Variants in MDH2 observed in about 807,000 individuals in gnomAD.
MDH2 encodes malate dehydrogenase, mitochondrial.
Under a neutral mutation model 33.6 loss-of-function variants are expected in MDH2, and 25 were observed. The observed-to-expected ratio is 0.74, with a 90% CI of 0.54 to 1.04. The LOEUF (loss-of-function observed/expected upper bound fraction) is 1.04, where lower values mean the gene tolerates loss of function less well. MDH2 is among the 50% of genes least tolerant of loss of function. The pLI is 0.00. For synonymous variants in MDH2, 193 were observed against 188.7 expected, an observed-to-expected ratio of 1.02 and a Z score of -0.19; for missense variants, 432 against 445.0, an observed-to-expected ratio of 0.97 and a Z score of 0.26.
In MDH2 at chr7:76,054,617, G is replaced by A; in HGVS notation, c.67-213G>A. On this transcript the variant is annotated intron_variant, in intron 1 of 8. Coordinates refer to ENST00000315758, the MANE Select transcript of MDH2 (RefSeq NM_005918.4). ...GTTTTGAAGTACCCTGAGTATCACA[G>A]ACTCTACAGACATAAATTCTCCCCA... 3 of 595,934 alleles carry A rather than the reference G, an allele frequency of 5.0e-6. No individual in the cohort carries two copies. In the South Asian group the frequency reaches 6.0e-5, roughly 12 times the overall value. The allele number at this position is 595,934 out of a possible 1,614,324, so 36.9% of individuals were successfully genotyped here.
In MDH2 at chr7:76,066,758, T is replaced by C. The variant is rs1029709278; in HGVS notation, c.*348T>C. Reference sequence around the variant, plus strand: ...CAAGAAAGTCTAAATTGTTAATTTATGGAATTGGACACAGTATTCAGTTTA... The same window carrying C: ...CAAGAAAGTCTAAATTGTTAATTTACGGAATTGGACACAGTATTCAGTTTA... On this transcript the variant is annotated 3_prime_UTR_variant, in exon 9 of 9. Coordinates refer to ENST00000315758, the MANE Select transcript of MDH2 (RefSeq NM_005918.4). 3 of 174,972 alleles carry C rather than the reference T, an allele frequency of 1.7e-5. No homozygotes were observed. The highest frequency in any genetic ancestry group is 1.7e-4 in the East Asian group (1 of 6,040). The allele number at this position is 174,972 out of a possible 1,614,324, so 10.8% of individuals were successfully genotyped here. A position where few individuals can be genotyped will look rare whatever the true frequency, so the allele number is the denominator to read the frequency against.
In MDH2 at chr7:76,054,911, G is replaced by A. The variant is rs782813525; in HGVS notation, c.148G>A (p.Val50Met). 4 of 1,614,106 alleles carry A rather than the reference G, an allele frequency of 2.5e-6. No individual in the cohort carries two copies. Among genetic ancestry groups the A allele is most frequent in the Non-Finnish European group, 3.4e-6 (4 of 1,180,024 alleles). The change falls in exon 2 of 9, where the codon GTG becomes ATG. Residue 50 changes from valine (V) to methionine (M), a missense_variant. Coordinates refer to ENST00000315758, the MANE Select transcript of MDH2 (RefSeq NM_005918.4). ...ACTTCTCCTGAAGAACAGCCCCTTG[G>A]TGAGCCGCCTGACCCTCTATGATAT... ...LSLLLKNSPL[V>M]SRLTLYDIAH...
At chr7:76,065,183 C>T (rs782426574) in intron 8 of MDH2, 33 of 477,364 alleles carry the variant, frequency 6.9e-5, no homozygotes, top group Middle Eastern at 1.1e-3. Context: ...AGTTTGACAG[C>T]GGGTGCCCAG....
Position 76,054,906 on chromosome 7 carries a change from C to T in MDH2, c.143C>T (p.Pro48Leu), listed in dbSNP as rs1554585973. 2 of 1,614,128 alleles carry T rather than the reference C, an allele frequency of 1.2e-6. No homozygotes were observed. Among genetic ancestry groups the T allele is most frequent in the South Asian group, 2.2e-5 (2 of 91,076 alleles). ...CTTTCACTTCTCCTGAAGAACAGCC[C>T]CTTGGTGAGCCGCCTGACCCTCTAT... The part of the protein sequence containing the change: ...QPLSLLLKNS[P>L]LVSRLTLYDI... Residue 48 changes from proline (P) to leucine (L), a missense_variant, in exon 2 of 9, where the codon CCC becomes CTC. Transcript: ENST00000315758.
At chr7:76,051,699 T>C (rs1797631936) in intron 1 of MDH2, among the ~76,000 whole-genome samples, 1 of 152,204 alleles carries the variant, frequency 6.6e-6, no homozygotes, top group African/African-American at 2.4e-5. Context: ...TGTACTAATA[T>C]ATACATTACA....
chr7:76,063,000 A>C (rs1554587231), intron 5 of MDH2, among the ~76,000 whole-genome samples: 1 of 152,210 alleles, frequency 6.6e-6, no homozygotes, highest in Non-Finnish European at 1.5e-5. Flanking sequence ...GAGCCATAGG[A>C]GTCAGTTTGT....
intron 1 of MDH2, among the ~76,000 whole-genome samples, chr7:76,051,685 T>C (rs1282219136): frequency 1.3e-5 from 2 of 152,220 alleles, no homozygotes; most frequent in African/African-American, 4.8e-5. Flanking sequence ...TACTTATAGG[T>C]ATATGTACTA....
intron 1 of MDH2, among the ~76,000 whole-genome samples, chr7:76,049,314 T>C (rs1554584942): frequency 6.6e-6 from 1 of 152,128 alleles, no homozygotes; most frequent in African/African-American, 2.4e-5. Flanking sequence ...ATGTACCAAA[T>C]GCTTTTGCGC....
In MDH2 at chr7:76,064,100, T is replaced by A. The variant is rs543115477; in HGVS notation, c.634-239T>A. Among the ~76,000 whole-genome samples the A allele has an allele frequency of 1.8e-4, 27 of 152,074 alleles. No individual in the cohort carries two copies. In the East Asian group the frequency reaches 4.2e-3, roughly 24 times the overall value. ...GATTTCACTTCGTCTTTTTTTTTTT[T>A]ATCTTTTTATTATTATTTTTTTGCT... On this transcript the variant is annotated intron_variant, in intron 6 of 8. Transcript: ENST00000315758.
chr7:76,048,694 G>T (rs1451109278), intron 1 of MDH2: 2 of 1,242,790 alleles, frequency 1.6e-6, no homozygotes, highest in South Asian at 3.7e-5. Flanking sequence ...TAGAGAACTG[G>T]GCCAGGGTTA....
At chr7:76,065,275 C>T in intron 8 of MDH2, 1 of 241,454 alleles carries the variant, frequency 4.1e-6, no homozygotes, top group Non-Finnish European at 8.0e-6. Context: ...GAACACCTCC[C>T]TGTCGCTCCT....
chr7:76,055,775 A>T (rs1014171583), intron 2 of MDH2, among the ~76,000 whole-genome samples: 14 of 151,392 alleles, frequency 9.2e-5, no homozygotes, highest in Non-Finnish European at 1.9e-4. Context: ...ATGCATATTT[A>T]TATATGCTGC....
chr7:76,058,184 G>C, intron 4 of MDH2, 106 bp downstream of exon 4: 2 of 1,040,010 alleles, frequency 1.9e-6, no homozygotes, highest in South Asian at 2.9e-5. Flanking sequence ...GTGCTGGGGG[G>C]ATGGGGGGAT....
intron 6 of MDH2, among the ~76,000 whole-genome samples, chr7:76,063,864 G>C (rs1028563016): frequency 6.6e-6 from 1 of 152,194 alleles, no homozygotes; most frequent in South Asian, 2.1e-4. Flanking sequence ...AGCGGGCGAG[G>C]TGCTTTTTTC....
In MDH2 at chr7:76,067,202, T is replaced by TTAG. The variant is rs372591277; in HGVS notation, c.*795_*797dup. The TTAG allele has an allele frequency of 2.0e-5, 3 of 152,298 alleles. No homozygotes were observed. Among genetic ancestry groups the TTAG allele is most frequent in the Non-Finnish European group, 2.9e-5 (2 of 68,032 alleles). 9.4% of individuals were successfully genotyped at this position (152,298 alleles called of 1,614,324 possible). A position where few individuals can be genotyped will look rare whatever the true frequency, so the allele number is the denominator to read the frequency against. ...CGGAATTAAAGAGATTTGACTCCCT[T>TTAG]TAGTATTGGGGGCAGTCCGTTCCCC... On this transcript the variant is annotated 3_prime_UTR_variant, in exon 9 of 9. Transcript: ENST00000315758.
chr7:76,065,429 C>T (rs1465734539), intron 8 of MDH2, among the ~76,000 whole-genome samples: 1 of 152,196 alleles, frequency 6.6e-6, no homozygotes, highest in East Asian at 1.9e-4. Flanking sequence ...CATTTCTCAC[C>T]TGTGGGCAGA....
chr7:76,050,604 G>A (rs1208878691), intron 1 of MDH2, among the ~76,000 whole-genome samples: 2 of 152,148 alleles, frequency 1.3e-5, no homozygotes, highest in Non-Finnish European at 2.9e-5. Context: ...GCCAGTTGAG[G>A]GTTTTCAGCT....
chr7:76,060,519 G>T (rs190775593), intron 5 of MDH2, 21 bp downstream of exon 5: 12 of 1,612,698 alleles, frequency 7.4e-6, no homozygotes, highest in Middle Eastern at 1.7e-4. Flanking sequence ...CGTGGGTGTT[G>T]CTCAGGTGAC....
At position 76,062,022 on chromosome 7, in the gene MDH2, T is replaced by TA. The variant is rs1179762950; in HGVS notation, c.556-1492dup. 5.9e-5 allele frequency among the ~76,000 whole-genome samples: 9 copies of TA among 152,332 alleles called. No individual in the cohort carries two copies. In the South Asian group the frequency reaches 1.0e-3, roughly 18 times the overall value. ...TATCTCAGCCTTGAAGCTTCACTGT[T>TA]AGAGTTGGGGACAGGGTACCTTGGC... On this transcript the variant is annotated intron_variant, in intron 5 of 8. Transcript: ENST00000315758.
Sources: gnomAD v4.1 joint callset for allele counts (sites outside exome capture counted in the v4.1 genomes callset) on GRCh38, gnomAD v4.1.1 for gene constraint, MANE v1.5 for transcripts, NCBI Gene and HGNC (gene_info 2026-07-23, HGNC 2026-07-21) for gene names.